The following GUCY2F variants were observed in gnomAD, a reference collection of about 807,000 sequenced individuals.
GUCY2F encodes guanylate cyclase 2F, retinal.
GUCY2F carries 61 observed loss-of-function variants against 73.1 expected under a neutral mutation model. That is an observed-to-expected ratio of 0.83 (90% CI 0.68 to 1.03). The LOEUF (loss-of-function observed/expected upper bound fraction) is 1.03, where lower values mean the gene tolerates loss of function less well. GUCY2F is among the 50% of genes least tolerant of loss of function. The probability of loss-of-function intolerance (pLI) is 0.00; values close to 1 mark genes in which losing one functional copy is unlikely to be tolerated. For synonymous variants in GUCY2F, 331 were observed against 307.8 expected, an observed-to-expected ratio of 1.08 and a Z score of -0.79; for missense variants, 912 against 854.3, an observed-to-expected ratio of 1.07 and a Z score of -0.84.
intron 7 of GUCY2F, among the ~76,000 whole-genome samples, chrX:109,436,951 A>C (rs904310873): frequency 1.1e-4 from 12 of 110,642 alleles, no homozygotes; most frequent in Admixed American, 2.9e-4. Flanking sequence ...TAAAAAAAGA[A>C]AAAAGAAGAA....
chrX:109,453,583 G>A lies in GUCY2F; in HGVS notation c.1309C>T (p.Pro437Ser). ...GGCCTGCCACCAGGGAAGTGAATAG[G>A]GGTCCCTCCGAAACGTAGCAGCTCC... ...EMELLRFGGT[P>S]IHFPGGRPPR... Residue 437 changes from proline (P) to serine (S), a missense_variant, in exon 4 of 20, where the codon CCT (proline) becomes TCT (serine). Pro to Ser is a moderately conservative substitution (Grantham distance 74). Transcript: ENST00000218006. The A allele has an allele frequency of 8.3e-7, 1 of 1,209,158 alleles. No individual in the cohort carries two copies. The highest frequency in any genetic ancestry group is 1.1e-6 in the Non-Finnish European group (1 of 893,444).
intron 7 of GUCY2F, among the ~76,000 whole-genome samples, chrX:109,436,106 C>T (rs1413478132): frequency 9.0e-6 from 1 of 111,297 alleles, no homozygotes; most frequent in Non-Finnish European, 1.9e-5. Flanking sequence ...CAAACAACCC[C>T]ATCAAAAAGT....
Position 109,441,388 on chromosome X carries a change from G to T in GUCY2F, c.1664C>A (p.Pro555Gln), listed in dbSNP as rs1160668077. The T allele has an allele frequency of 1.7e-6, 2 of 1,154,177 alleles. No individual in the cohort carries two copies. Among genetic ancestry groups the T allele is most frequent in the Non-Finnish European group, 2.3e-6 (2 of 852,481 alleles). ...RLSFSSGSLT[P>Q]ATYENSNIAI... ...TATGTTGGAGTTTTCATAGGTAGCT[G>T]GAGTTAGACTCCCTGAAGAAAAGGA... Residue 555 changes from proline to glutamine, a missense_variant, in exon 7 of 20, where the codon CCA (proline) becomes CAA (glutamine). Physicochemically the swap from Pro to Gln is moderately conservative, Grantham distance 76. Coordinates refer to ENST00000218006, the MANE Select transcript of GUCY2F (RefSeq NM_001522.3).
At chrX:109,392,633 C>T (rs73639121) in intron 13 of GUCY2F, among the ~76,000 whole-genome samples, 18 of 111,420 alleles carry the variant, frequency 1.6e-4, no homozygotes, top group African/African-American at 5.6e-4. Flanking sequence ...CACGAAGTGA[C>T]ACACAGAAAA....
intron 1 of GUCY2F, 63 bp downstream of exon 1, chrX:109,481,803 G>A (rs1305296371): frequency 9.1e-6 from 1 of 109,931 alleles, no homozygotes; most frequent in Admixed American, 9.7e-5. Context: ...GCTCCCAGGT[G>A]GGCTGTGTCT....
At chrX:109,444,294 G>C (rs1466786181) in intron 6 of GUCY2F, among the ~76,000 whole-genome samples, 1 of 111,796 alleles carries the variant, frequency 8.9e-6, no homozygotes, top group Non-Finnish European at 1.9e-5. Context: ...CAATTAATTT[G>C]ACTCCAACTG....
intron 7 of GUCY2F, among the ~76,000 whole-genome samples, chrX:109,438,064 T>G (rs1017235545): frequency 4.4e-5 from 5 of 112,608 alleles, no homozygotes; most frequent in African/African-American, 9.7e-5. Flanking sequence ...ATGTTGGTGT[T>G]GAAGGCCTAT....
At position 109,475,679 on chromosome X, in the gene GUCY2F, G is replaced by C. The variant is rs1932677129; in HGVS notation, c.258C>G (p.Asp86Glu). 8.3e-7 allele frequency: 1 copy of C among 1,209,247 alleles called. No individual in the cohort carries two copies. Among genetic ancestry groups the C allele is most frequent in the African/African-American group, 1.8e-5 (1 of 56,959 alleles). Reference sequence around the variant, plus strand: ...AAGAATAACTCAGGTCAAAAGATGGGTCCCGGTTGATTCGCTCAATGGCTA... The same window carrying C: ...AAGAATAACTCAGGTCAAAAGATGGCTCCCGGTTGATTCGCTCAATGGCTA... ...ARLAIERINR[D>E]PSFDLSYSFE... The change falls in exon 2 of 20, where the codon GAC becomes GAG. Residue 86 changes from aspartate to glutamate, a missense_variant. Transcript: ENST00000218006.
Position 109,384,994 on chromosome X carries a change from A to G in GUCY2F, c.3055+190T>C, listed in dbSNP as rs185160401. Among the ~76,000 whole-genome samples, 465 of 111,204 alleles carry G rather than the reference A, an allele frequency of 4.2e-3. 2 individuals are homozygous for G. Among genetic ancestry groups the G allele is most frequent in the Non-Finnish European group, 6.0e-3 (319 of 52,900 alleles). ...AAAGGTACATGTTCAGTCCAACATC[A>G]CCCCCTACTGGTTTGCCATTAGAGA... On this transcript the variant is annotated intron_variant, in intron 16 of 19. Coordinates refer to ENST00000218006, the MANE Select transcript of GUCY2F (RefSeq NM_001522.3).
At chrX:109,388,101 G>A (rs1465391191) in intron 15 of GUCY2F, among the ~76,000 whole-genome samples, 3 of 111,416 alleles carry the variant, frequency 2.7e-5, no homozygotes, top group African/African-American at 9.8e-5. Context: ...AAAAGGTGGG[G>A]AGTGGATACA....
chrX:109,443,719 C>T (rs1931929027), intron 6 of GUCY2F, among the ~76,000 whole-genome samples: 1 of 112,020 alleles, frequency 8.9e-6, no homozygotes, highest in South Asian at 3.7e-4. Flanking sequence ...CTATGTGTAT[C>T]ATTTTGATAT....
rs201324969 is a variant in GUCY2F at position 109,415,243 on chromosome X, A to AT, written c.1792-6076dup. ...TGCTGATTTCCAGCACAAGCCAAAG[A>AT]TTGGGCTTAGCCTAACAGAAAGAAT... On this transcript the variant is annotated intron_variant, in intron 8 of 19. Transcript: ENST00000218006. 1.3e-3 allele frequency among the ~76,000 whole-genome samples: 144 copies of AT among 112,164 alleles called. 1 individual carries two copies. In the East Asian group the frequency reaches 0.037, roughly 29 times the overall value.
intron 5 of GUCY2F, among the ~76,000 whole-genome samples, chrX:109,449,717 G>A (rs1932097130): frequency 8.9e-6 from 1 of 111,913 alleles, no homozygotes; most frequent in Admixed American, 9.5e-5. Flanking sequence ...GTATGTGAAA[G>A]TGCTCTGAAA....
chrX:109,432,496 C>T (rs1426623268), intron 7 of GUCY2F, among the ~76,000 whole-genome samples: 7 of 112,218 alleles, frequency 6.2e-5, no homozygotes, highest in Non-Finnish European at 7.5e-5. Context: ...AACAAAAAAG[C>T]CTTCCCGGCA....
chrX:109,447,921 T>C (rs950990933), intron 6 of GUCY2F, 148 bp downstream of exon 6: 22 of 287,640 alleles, frequency 7.6e-5, no homozygotes, highest in Non-Finnish European at 1.1e-4. Flanking sequence ...ATTTTACATG[T>C]TTTTATACTG....
At position 109,482,020 on chromosome X, in the gene GUCY2F, A is replaced by G. The variant is rs1276813648; in HGVS notation, c.-240T>C. 8.9e-6 allele frequency: 1 copy of G among 111,994 alleles called. No individual in the cohort carries two copies. Among genetic ancestry groups the G allele is most frequent in the Non-Finnish European group, 1.9e-5 (1 of 53,169 alleles). 9.2% of individuals were successfully genotyped at this position (111,994 alleles called of 1,213,427 possible). A position where few individuals can be genotyped will look rare whatever the true frequency, so the allele number is the denominator to read the frequency against. On this transcript the variant is annotated 5_prime_UTR_variant, in exon 1 of 20. Coordinates refer to ENST00000218006, the MANE Select transcript of GUCY2F (RefSeq NM_001522.3). ...TTGACAAATTCCATTAATGGGGTAA[A>G]TAATTGAAAGCGTTAGTAAATGTTT... is the stretch of plus-strand genomic sequence containing the variant.
intron 8 of GUCY2F, among the ~76,000 whole-genome samples, chrX:109,428,180 T>C (rs1210932401): frequency 1.8e-5 from 2 of 112,175 alleles, no homozygotes; most frequent in East Asian, 5.6e-4. Context: ...GATATTTACA[T>C]AGATTAAAGT....
intron 19 of GUCY2F, among the ~76,000 whole-genome samples, chrX:109,373,808 T>A (rs1375449719): frequency 8.9e-6 from 1 of 112,790 alleles, no homozygotes; most frequent in Non-Finnish European, 1.9e-5. Context: ...GGTGAAATTT[T>A]ATGGAAAGTA....
rs753024890 is a variant in GUCY2F at position 109,388,531 on chromosome X, T to C, written c.2914A>G (p.Met972Val). 1.7e-6 allele frequency: 2 copies of C among 1,207,157 alleles called. No homozygotes were observed. Among genetic ancestry groups the C allele is most frequent in the South Asian group, 3.5e-5 (2 of 56,807 alleles). The change falls in exon 15 of 20, where the codon ATG becomes GTG. Residue 972 changes from methionine to valine, a missense_variant. Physicochemically the swap from Met to Val is conservative, Grantham distance 21. Coordinates refer to ENST00000218006, the MANE Select transcript of GUCY2F (RefSeq NM_001522.3). ...CGAATTCGGACCGGCACTTCTGGCA[T>C]GTGCCGCATCTTGAAAGTGCCCACA... is the stretch of plus-strand genomic sequence containing the variant. ...SSVGTFKMRHMPEVPVRIRIG... is the reference protein window; with the variant it reads ...SSVGTFKMRHVPEVPVRIRIG...
Sources: gnomAD v4.1 joint callset for allele counts (sites outside exome capture counted in the v4.1 genomes callset) on GRCh38, gnomAD v4.1.1 for gene constraint, MANE v1.5 for transcripts, NCBI Gene and HGNC (gene_info 2026-07-23, HGNC 2026-07-21) for gene names.